The following TLN2 variants were observed in gnomAD, a reference collection of about 807,000 sequenced individuals.
TLN2 encodes the protein talin-2.
A neutral mutation model predicts 294.7 loss-of-function variants in TLN2; 118 were observed. The observed-to-expected ratio is 0.40, with a 90% CI of 0.34 to 0.47. The LOEUF is 0.47. TLN2 is among the 20% of genes least tolerant of loss of function. TLN2 has a pLI of 0.84. For missense variants in TLN2, 3,083 were observed against 3,282.2 expected, an observed-to-expected ratio of 0.94 and a Z score of 1.48; for synonymous variants, 1,431 against 1,304.5, an observed-to-expected ratio of 1.10 and a Z score of -2.09.
At chr15:62,666,412 A>T (rs939596459) in intron 9 of TLN2, among the ~76,000 whole-genome samples, 7 of 152,098 alleles carry the variant, frequency 4.6e-5, no homozygotes, top group African/African-American at 1.7e-4. Context: ...TTGCCTTGTG[A>T]GGACACAGCC....
intron 1 of TLN2, among the ~76,000 whole-genome samples, chr15:62,588,040 C>T (rs1176565688): frequency 1.3e-5 from 2 of 152,066 alleles, no homozygotes; most frequent in African/African-American, 4.8e-5. Flanking sequence ...ACCACCACCC[C>T]TGGCTAATTT....
intron 2 of TLN2, among the ~76,000 whole-genome samples, chr15:62,590,603 G>T (rs578237090): frequency 6.6e-6 from 1 of 152,136 alleles, no homozygotes; most frequent in Non-Finnish European, 1.5e-5. Flanking sequence ...GAAACTGGTT[G>T]GTGGTTGCTG....
chr15:62,416,249 T>G (rs552463581), intron 1 of TLN2, among the ~76,000 whole-genome samples: 1 of 152,320 alleles, frequency 6.6e-6, no homozygotes, highest in Non-Finnish European at 1.5e-5. Flanking sequence ...CATTGAGCTG[T>G]GATCACCACT....
chr15:62,516,448 C>G (rs74535963), intron 1 of TLN2, among the ~76,000 whole-genome samples: 2 of 152,184 alleles, frequency 1.3e-5, no homozygotes, highest in African/African-American at 2.4e-5. Flanking sequence ...CTGAAGAATT[C>G]TACATTTTAC....
chr15:62,752,193 C>T, intron 34 of TLN2, 112 bp from the exon 35 acceptor site: 1 of 1,382,848 alleles, frequency 7.2e-7, no homozygotes, highest in Non-Finnish European at 9.9e-7. Context: ...GAGAAAATGT[C>T]AAATGTTCCA....
intron 2 of TLN2, among the ~76,000 whole-genome samples, chr15:62,606,802 G>T (rs539952164): frequency 8.9e-4 from 135 of 152,300 alleles, no homozygotes; most frequent in Non-Finnish European, 1.6e-3. Flanking sequence ...TGTAGTGTCA[G>T]TCTTTCTATA....
At chr15:62,514,097 C>T (rs1295313683) in intron 1 of TLN2, among the ~76,000 whole-genome samples, 1 of 152,218 alleles carries the variant, frequency 6.6e-6, no homozygotes, top group Non-Finnish European at 1.5e-5. Context: ...GCACAGCACA[C>T]ACTGTACCTA....
At chr15:62,496,646 GATTGTTCCCGGAAATGGAAC>G (rs2039033278) in intron 1 of TLN2, among the ~76,000 whole-genome samples, 1 of 152,218 alleles carries the variant, frequency 6.6e-6, no homozygotes, top group Non-Finnish European at 1.5e-5. Flanking sequence ...ATCAGTGCCT[GATTGTTCCCGGAAATGGAAC>G]ATTGACCTTA....
chr15:62,437,414 C>CTT (rs879814606), intron 1 of TLN2, among the ~76,000 whole-genome samples: 1 of 145,832 alleles, frequency 6.9e-6, no homozygotes, highest in Non-Finnish European at 1.5e-5. Context: ...CACACCTGAC[C>CTT]TTTTTTTTTT....
chr15:62,541,539 C>T (rs2041685223), intron 1 of TLN2, among the ~76,000 whole-genome samples: 1 of 152,182 alleles, frequency 6.6e-6, no homozygotes, highest in African/African-American at 2.4e-5. Context: ...TCCAGCTCCC[C>T]AATCGTATTG....
chr15:62,477,914 A>T (rs931787642), intron 1 of TLN2, among the ~76,000 whole-genome samples: 2 of 10,280 alleles, frequency 1.9e-4, no homozygotes, highest in East Asian at 5.5e-3. Context: ...GGGGGGGTGC[A>T]GCGGGGGCAG....
intron 2 of TLN2, among the ~76,000 whole-genome samples, chr15:62,607,589 A>G (rs2047559120): frequency 6.6e-6 from 1 of 152,194 alleles, no homozygotes; most frequent in Non-Finnish European, 1.5e-5. Flanking sequence ...AAACGTCCAA[A>G]AGGATCCCTC....
chr15:62,546,683 T>C (rs548780462), intron 1 of TLN2, among the ~76,000 whole-genome samples: 1 of 152,244 alleles, frequency 6.6e-6, no homozygotes, highest in East Asian at 1.9e-4. Context: ...CCATGGCCAG[T>C]GTGGAGGAAA....
At position 62,467,939 on chromosome 15, in the gene TLN2, GAC is replaced by G. The variant is rs2037236796; in HGVS notation, c.-238+77258_-238+77259del. Among the ~76,000 whole-genome samples the G allele has an allele frequency of 2.0e-5, 3 of 152,226 alleles. No homozygotes were observed. In the East Asian group the frequency reaches 5.8e-4, roughly 29 times the overall value. On this transcript the variant is annotated intron_variant, in intron 1 of 58. Transcript: ENST00000636159. ...TAAAATTTCTGGTTGGAGCAGAAAA[GAC>G]ACATCCTTGGCATAGTCTTGGGTAA...
At chr15:62,424,388 G>T (rs1272209988) in intron 1 of TLN2, among the ~76,000 whole-genome samples, 1 of 152,184 alleles carries the variant, frequency 6.6e-6, no homozygotes, top group Non-Finnish European at 1.5e-5. Flanking sequence ...CCTCAGGTAG[G>T]CTTGCTCCTG....
intron 40 of TLN2, among the ~76,000 whole-genome samples, chr15:62,766,000 G>A (rs937126416): frequency 1.9e-4 from 29 of 152,304 alleles, no homozygotes; most frequent in African/African-American, 6.5e-4. Flanking sequence ...GTTCCTTCTT[G>A]GAAAGCCATG....
intron 44 of TLN2, 90 bp from the exon 45 acceptor site, chr15:62,783,681 C>T: frequency 6.8e-7 from 1 of 1,468,362 alleles, no homozygotes; most frequent in East Asian, 2.5e-5. Context: ...AACCCTTTGG[C>T]TTCCAGTGAT....
At position 62,800,472 on chromosome 15, in the gene TLN2, C is replaced by T; in HGVS notation, c.6339C>T (p.Tyr2113=). ...AGCCAGTGGACGACCCTTCCATGTA[C>T]CAGCTCAAGGGGGCTGCCAAGGTAG... The part of the protein sequence containing the change: ...ASKPVDDPSM[Y]QLKGAAKVMV... The change falls in exon 49 of 59, where the codon TAC becomes TAT. Residue 2113 remains tyrosine, a synonymous_variant. Transcript: ENST00000636159. 1 of 1,614,186 alleles carries T rather than the reference C, an allele frequency of 6.2e-7. No homozygotes were observed. The highest frequency in any genetic ancestry group is 8.5e-7 in the Non-Finnish European group (1 of 1,180,020).
intron 43 of TLN2, 85 bp from the exon 44 acceptor site, chr15:62,781,055 T>TCCTAA: frequency 1.9e-6 from 2 of 1,049,542 alleles, no homozygotes. Context: ...CCTCTCTGTT[T>TCCTAA]TTCAAAGTTC....
Sources: gnomAD v4.1 joint callset for allele counts (sites outside exome capture counted in the v4.1 genomes callset) on GRCh38, gnomAD v4.1.1 for gene constraint, MANE v1.5 for transcripts, NCBI Gene and HGNC (gene_info 2026-07-23, HGNC 2026-07-21) for gene names.